The following TMC1 variants were observed in gnomAD, a reference collection of about 807,000 sequenced individuals.
The protein encoded by TMC1 is transmembrane channel like 1.
A neutral mutation model predicts 105.8 loss-of-function variants in TMC1; 84 were observed. The ratio of observed to expected loss-of-function variants is 0.79; its 90% confidence interval spans 0.67 to 0.95. The LOEUF is 0.95. TMC1 is among the 40% of genes least tolerant of loss of function. The pLI, the probability that TMC1 is intolerant of heterozygous loss-of-function variation, is 0.00. For synonymous variants in TMC1, 315 were observed against 311.5 expected, an observed-to-expected ratio of 1.01 and a Z score of -0.12; for missense variants, 817 against 914.1, an observed-to-expected ratio of 0.89 and a Z score of 1.37.
chr9:72,833,925 A>C (rs1209070717), intron 23 of TMC1, among the ~76,000 whole-genome samples: 1 of 151,900 alleles, frequency 6.6e-6, no homozygotes, highest in Non-Finnish European at 1.5e-5. Flanking sequence ...TGTATCTTGC[A>C]TGGATCTATT....
chr9:72,670,523 T>C (rs1290101894), intron 5 of TMC1, among the ~76,000 whole-genome samples: 1 of 152,118 alleles, frequency 6.6e-6, no homozygotes, highest in African/African-American at 2.4e-5. Flanking sequence ...AATATTACCA[T>C]GAATATAAAG....
intron 5 of TMC1, among the ~76,000 whole-genome samples, chr9:72,656,787 T>G (rs7031996): frequency 1.3e-5 from 2 of 151,934 alleles, no homozygotes; most frequent in African/African-American, 4.8e-5. Flanking sequence ...TTCTTTTTTT[T>G]CCCCCCTCCG....
At chr9:72,797,217 A>C (rs1031589558) in intron 17 of TMC1, among the ~76,000 whole-genome samples, 2 of 152,162 alleles carry the variant, frequency 1.3e-5, no homozygotes, top group African/African-American at 4.8e-5. Flanking sequence ...GAAATCAGAG[A>C]GGACACACAC....
At chr9:72,599,176 G>A (rs372228408) in intron 2 of TMC1, among the ~76,000 whole-genome samples, 37 of 152,004 alleles carry the variant, frequency 2.4e-4, no homozygotes, top group Non-Finnish European at 4.9e-4. Context: ...GATTACAGGC[G>A]TGTGCCAGCA....
chr9:72,742,235 C>T (rs1369718105), intron 9 of TMC1, among the ~76,000 whole-genome samples: 1 of 152,046 alleles, frequency 6.6e-6, no homozygotes, highest in African/African-American at 2.4e-5. Context: ...GATCGATAAA[C>T]ATTTTTTTGT....
intron 21 of TMC1, among the ~76,000 whole-genome samples, chr9:72,828,481 A>T (rs1444969004): frequency 6.6e-6 from 1 of 152,068 alleles, no homozygotes; most frequent in African/African-American, 2.4e-5. Flanking sequence ...TTCTTACTTG[A>T]TTAGGAGACA....
intron 5 of TMC1, among the ~76,000 whole-genome samples, chr9:72,671,281 G>A (rs1032059505): frequency 6.6e-6 from 1 of 152,174 alleles, no homozygotes; most frequent in African/African-American, 2.4e-5. Flanking sequence ...AGACAAGGAT[G>A]TTTCTTTTCT....
chr9:72,542,837 G>A (rs1823701497), intron 1 of TMC1, among the ~76,000 whole-genome samples: 1 of 151,650 alleles, frequency 6.6e-6, no homozygotes, highest in Non-Finnish European at 1.5e-5. Flanking sequence ...CTGCCACCGC[G>A]CCCAGCTAAT....
At chr9:72,685,774 A>C (rs1481659045) in intron 5 of TMC1, among the ~76,000 whole-genome samples, 1 of 152,182 alleles carries the variant, frequency 6.6e-6, no homozygotes, top group Non-Finnish European at 1.5e-5. Context: ...TTCCTTTGTG[A>C]GCACACAATA....
intron 12 of TMC1, among the ~76,000 whole-genome samples, chr9:72,764,073 A>C (rs773005170): frequency 6.6e-6 from 1 of 152,252 alleles, no homozygotes; most frequent in African/African-American, 2.4e-5. Flanking sequence ...ATTATAGTCA[A>C]TAATTTAAAC....
At chr9:72,608,051 G>C (rs1208021470) in intron 2 of TMC1, 1 of 152,150 alleles carries the variant, frequency 6.6e-6, no homozygotes, top group Non-Finnish European at 1.5e-5. Context: ...AGTAAATTGA[G>C]ATTCAGGCTT....
chr9:72,539,457 C>G (rs1037191579), intron 1 of TMC1, among the ~76,000 whole-genome samples: 1 of 152,164 alleles, frequency 6.6e-6, no homozygotes, highest in South Asian at 2.1e-4. Flanking sequence ...TAGGTCATCA[C>G]TCTTAACTGC....
intron 1 of TMC1, among the ~76,000 whole-genome samples, chr9:72,529,323 G>A (rs963997489): frequency 6.6e-6 from 1 of 152,090 alleles, no homozygotes; most frequent in Non-Finnish European, 1.5e-5. Flanking sequence ...GTGGTGGCGG[G>A]CACTTGTAGT....
chr9:72,527,373 G>A (rs1452166944), intron 1 of TMC1, among the ~76,000 whole-genome samples: 4 of 151,940 alleles, frequency 2.6e-5, no homozygotes, highest in African/African-American at 9.7e-5. Context: ...GATTCTACCC[G>A]CCTCCCCGCA....
At position 72,645,063 on chromosome 9, in the gene TMC1, A is replaced by T. The variant is rs558551760; in HGVS notation, c.-52-3534A>T. The stretch of plus-strand genomic sequence containing the variant: ...TATCAAACAGATAACTCATTTTAAG[A>T]ACAGATGATATGATGTTGAAGTCGA... On this transcript the variant is annotated intron_variant, in intron 4 of 23. Transcript: ENST00000297784. Among the ~76,000 whole-genome samples, 7 of 152,312 alleles carry T rather than the reference A, an allele frequency of 4.6e-5. No homozygotes were observed. The South Asian group carries it at 1.5e-3, about 32-fold the overall frequency.
At chr9:72,532,634 G>T (rs573935623) in intron 1 of TMC1, among the ~76,000 whole-genome samples, 1 of 149,642 alleles carries the variant, frequency 6.7e-6, no homozygotes, top group Non-Finnish European at 1.5e-5. Context: ...TGATCATGAC[G>T]CTGTGGAAGA....
intron 5 of TMC1, among the ~76,000 whole-genome samples, chr9:72,669,849 G>A (rs1183946433): frequency 2.0e-5 from 3 of 152,078 alleles, no homozygotes; most frequent in Non-Finnish European, 4.4e-5. Flanking sequence ...GATATATATA[G>A]CAACAGTTTT....
intron 5 of TMC1, among the ~76,000 whole-genome samples, chr9:72,686,044 C>T (rs1181549384): frequency 6.6e-6 from 1 of 152,184 alleles, no homozygotes; most frequent in East Asian, 1.9e-4. Flanking sequence ...TTTCTTTTTA[C>T]TGTTTTTAAT....
chr9:72,798,058 A>G (rs750141512), intron 17 of TMC1, among the ~76,000 whole-genome samples: 1 of 152,210 alleles, frequency 6.6e-6, no homozygotes, highest in Non-Finnish European at 1.5e-5. Flanking sequence ...TGGGCAAAGG[A>G]CATGAACAGA....
Sources: gnomAD v4.1 joint callset for allele counts (sites outside exome capture counted in the v4.1 genomes callset) on GRCh38, gnomAD v4.1.1 for gene constraint, MANE v1.5 for transcripts, NCBI Gene and HGNC (gene_info 2026-07-23, HGNC 2026-07-21) for gene names.